SPIDR: variants seen among roughly 807,000 people sequenced by gnomAD.
The protein encoded by SPIDR is scaffold protein involved in DNA repair, also known as DNA repair-scaffolding protein.
SPIDR carries 93 observed loss-of-function variants against 104.6 expected under a neutral mutation model. The ratio of observed to expected loss-of-function variants is 0.89; its 90% CI spans 0.75 to 1.06. The LOEUF (loss-of-function observed/expected upper bound fraction) is 1.06, where lower values mean the gene tolerates loss of function less well. SPIDR is among the 50% of genes least tolerant of loss of function. The probability of loss-of-function intolerance (pLI) is 0.00; values close to 1 mark genes in which losing one functional copy is unlikely to be tolerated. For synonymous variants in SPIDR, 431 were observed against 416.9 expected (o/e 1.03, Z -0.41); for missense variants, 1,154 against 1,111.2 (o/e 1.04, Z -0.55).
At chr8:47,455,342 G>A (rs1554709135) in intron 8 of SPIDR, among the ~76,000 whole-genome samples, 2 of 151,492 alleles carry the variant, frequency 1.3e-5, no homozygotes, top group African/African-American at 2.4e-5. Flanking sequence ...TAATTTCCCA[G>A]AAAATTATTA....
intron 8 of SPIDR, 118 bp downstream of exon 8, chr8:47,440,660 GC>G: frequency 9.9e-7 from 1 of 1,012,768 alleles, no homozygotes; most frequent in Non-Finnish European, 1.4e-6. Flanking sequence ...GAGGAAGAGA[GC>G]CAGGATTGGA....
rs2036378863 is a variant in SPIDR, at chr8:47,276,121, A to ACC, written c.34-3741_34-3740insCC. Among the ~76,000 whole-genome samples the ACC allele has an allele frequency of 2.4e-4, 37 of 152,328 alleles. 2 individuals carry two copies. In the South Asian group the frequency reaches 7.5e-3, roughly 31 times the overall value. On this transcript the variant is annotated intron_variant, in intron 1 of 19. Coordinates refer to ENST00000297423, the MANE Select transcript of SPIDR (RefSeq NM_001080394.4). ...AGTGATCTGCCTGCGTTGGCCTCCC[A>ACC]AAGTGCTGGGGTTACAGGCATGAGC...
At chr8:47,379,689 G>A (rs1368592136) in intron 5 of SPIDR, among the ~76,000 whole-genome samples, 2 of 152,214 alleles carry the variant, frequency 1.3e-5, no homozygotes, top group African/African-American at 4.8e-5. Context: ...AGGGCACAGT[G>A]CACACAAGCA....
chr8:47,334,822 G>C lies in SPIDR; in HGVS notation c.525+40792G>C, dbSNP rs1587190246. 2.0e-5 allele frequency among the ~76,000 whole-genome samples: 3 copies of C among 152,024 alleles called. No individual in the cohort carries two copies. The East Asian group carries it at 5.8e-4, about 29-fold the overall frequency. The stretch of plus-strand genomic sequence containing the variant: ...TTTCTATTTGTTGTTCTTGTCCTTT[G>C]TTCTTATTTTTATTTTCCACTCTTT... On this transcript the variant is annotated intron_variant, in intron 5 of 19. Coordinates refer to ENST00000297423, the MANE Select transcript of SPIDR (RefSeq NM_001080394.4).
chr8:47,592,277 T>G, intron 8 of SPIDR: 1 of 1,177,682 alleles, frequency 8.5e-7, no homozygotes, highest in Non-Finnish European at 1.3e-6. Context: ...TAACAAGGCC[T>G]GGGTTGATAG....
chr8:47,680,026 C>T (rs762570521), intron 11 of SPIDR, among the ~76,000 whole-genome samples: 1 of 152,066 alleles, frequency 6.6e-6, no homozygotes, highest in Non-Finnish European at 1.5e-5. Context: ...GGGTGGCGAC[C>T]CATTACTGTA....
chr8:47,735,114 GT>G (rs2086048288), intron 19 of SPIDR, among the ~76,000 whole-genome samples, 192 bp from the exon 20 acceptor site: 1 of 126,232 alleles, frequency 7.9e-6, no homozygotes, highest in Non-Finnish European at 1.7e-5. Context: ...GTGTGTGGGT[GT>G]GTGTGTGTGT....
At chr8:47,494,592 G>A (rs1270525134) in intron 8 of SPIDR, among the ~76,000 whole-genome samples, 1 of 151,686 alleles carries the variant, frequency 6.6e-6, no homozygotes, top group Admixed American at 6.6e-5. Context: ...GAAACAATAC[G>A]GCTTAGGATA....
rs542473333 is a variant in SPIDR at position 47,573,834 on chromosome 8, A to G, written c.1098-21977A>G. The stretch of plus-strand genomic sequence containing the variant: ...GTTAGCATATGATACACGCCCTGCT[A>G]TAGTTCTGCTGTGCCTTGGTTGCTA... On this transcript the variant is annotated intron_variant, in intron 8 of 19. Transcript: ENST00000297423. 5.9e-5 allele frequency among the ~76,000 whole-genome samples: 9 copies of G among 152,356 alleles called. No individual in the cohort carries two copies. The East Asian group carries it at 1.3e-3, about 23-fold the overall frequency.
At chr8:47,382,754 A>C (rs1293272141) in intron 5 of SPIDR, among the ~76,000 whole-genome samples, 2 of 152,162 alleles carry the variant, frequency 1.3e-5, no homozygotes, top group African/African-American at 4.8e-5. Flanking sequence ...ATACTGTTGA[A>C]TATCCACCTC....
chr8:47,271,402 A>C (rs1205701741), intron 1 of SPIDR, among the ~76,000 whole-genome samples: 1 of 149,264 alleles, frequency 6.7e-6, no homozygotes. Flanking sequence ...TTTTCTTTAC[A>C]CTCTTTTTTT....
chr8:47,283,824 G>C lies in SPIDR; in HGVS notation c.190-204G>C, dbSNP rs904603194. ...TAATGGGAAACGTTTTGGTCAGTCAGATCTCTTTAGATTCAGGAAAAATAG... is the reference window on the plus strand; with the variant it reads ...TAATGGGAAACGTTTTGGTCAGTCACATCTCTTTAGATTCAGGAAAAATAG... On this transcript the variant is annotated intron_variant, in intron 2 of 19. Coordinates refer to ENST00000297423, the MANE Select transcript of SPIDR (RefSeq NM_001080394.4). Among the ~76,000 whole-genome samples, 20 of 152,288 alleles carry C rather than the reference G, an allele frequency of 1.3e-4. No homozygotes were observed. The South Asian group carries it at 4.1e-3, about 32-fold the overall frequency.
intron 16 of SPIDR, among the ~76,000 whole-genome samples, chr8:47,718,485 T>G (rs1204277675): frequency 6.6e-6 from 1 of 152,074 alleles, no homozygotes; most frequent in African/African-American, 2.4e-5. Context: ...GAAATATGCT[T>G]AAACTACTTA....
chr8:47,732,905 A>C (rs2085497821), intron 19 of SPIDR, among the ~76,000 whole-genome samples: 1 of 152,234 alleles, frequency 6.6e-6, no homozygotes. Context: ...TCTCAATAGT[A>C]ACATTATTGT....
chr8:47,288,658 GTTTAT>G (rs1282978250), intron 3 of SPIDR, among the ~76,000 whole-genome samples: 10 of 152,170 alleles, frequency 6.6e-5, no homozygotes, highest in African/African-American at 2.2e-4. Flanking sequence ...CAAGTACTCA[GTTTAT>G]TTTATTAGCT....
intron 10 of SPIDR, among the ~76,000 whole-genome samples, chr8:47,634,024 G>C (rs2067485858): frequency 6.6e-6 from 1 of 151,604 alleles, no homozygotes; most frequent in Non-Finnish European, 1.5e-5. Flanking sequence ...GAGCCTAGGA[G>C]ATTGAGGCTG....
At chr8:47,539,859 T>G (rs765123238) in intron 8 of SPIDR, among the ~76,000 whole-genome samples, 39 of 152,312 alleles carry the variant, frequency 2.6e-4, no homozygotes, top group Non-Finnish European at 4.4e-4. Flanking sequence ...GGTTCCTCTC[T>G]CTCCATGGTG....
intron 1 of SPIDR, among the ~76,000 whole-genome samples, chr8:47,273,504 C>T (rs2035749384): frequency 6.6e-6 from 1 of 151,980 alleles, no homozygotes; most frequent in Non-Finnish European, 1.5e-5. Context: ...TCCACGCCCT[C>T]TCTGGGCGAA....
chr8:47,264,634 CTT>C (rs1221495043), intron 1 of SPIDR, among the ~76,000 whole-genome samples: 5 of 143,352 alleles, frequency 3.5e-5, no homozygotes, highest in South Asian at 2.2e-4. Context: ...TTGAGATTTT[CTT>C]TTTTTTTTTT....
Sources: allele counts gnomAD v4.1 joint callset (sites outside exome capture counted in the v4.1 genomes callset), GRCh38; gene constraint gnomAD v4.1.1; transcripts MANE v1.5; gene names NCBI Gene and HGNC (gene_info 2026-07-23, HGNC 2026-07-21).